Variants in RMDN2 observed in about 807,000 individuals in gnomAD.
RMDN2 encodes the protein regulator of microtubule dynamics protein 2.
Under a neutral mutation model 52.8 loss-of-function variants are expected in RMDN2, and 61 were observed. That is an observed-to-expected ratio of 1.16 (90% CI 0.94 to 1.43). The LOEUF is 1.43. RMDN2 is among the 40% of genes most tolerant of loss of function. The pLI, the probability that RMDN2 is intolerant of heterozygous loss-of-function variation, is 0.00. For synonymous variants in RMDN2, 180 were observed against 153.1 expected, an observed-to-expected ratio of 1.18 and a Z score of -1.30; for missense variants, 592 against 475.3, an observed-to-expected ratio of 1.25 and a Z score of -2.28.
At chr2:38,010,734 A>G (rs1677860692) in intron 10 of RMDN2, among the ~76,000 whole-genome samples, 1 of 152,002 alleles carries the variant, frequency 6.6e-6, no homozygotes, top group Admixed American at 6.6e-5. Context: ...CCGCTTTCTG[A>G]CACTCCCCAG....
chr2:37,968,259 G>A (rs1019942487), intron 2 of RMDN2, among the ~76,000 whole-genome samples: 3 of 151,886 alleles, frequency 2.0e-5, no homozygotes, highest in Admixed American at 6.6e-5. Flanking sequence ...TGGCCAACAT[G>A]GTGAAACCTG....
chr2:37,926,132 C>T (rs1432520911), intron 1 of RMDN2, among the ~76,000 whole-genome samples: 6 of 152,152 alleles, frequency 3.9e-5, no homozygotes, highest in Non-Finnish European at 5.9e-5. Context: ...GTCTCTTTAT[C>T]CTTGCAAAAT....
chr2:37,981,554 A>G (rs992090288), intron 5 of RMDN2, among the ~76,000 whole-genome samples: 26 of 152,244 alleles, frequency 1.7e-4, no homozygotes, highest in Non-Finnish European at 3.1e-4. Context: ...ACTTTTATTG[A>G]AAAATTATTG....
chr2:37,950,868 A>G (rs1396165146), intron 2 of RMDN2, among the ~76,000 whole-genome samples: 1 of 152,132 alleles, frequency 6.6e-6, no homozygotes, highest in Non-Finnish European at 1.5e-5. Context: ...TATTACCTTT[A>G]AAACCAGTTC....
intron 4 of RMDN2, among the ~76,000 whole-genome samples, chr2:37,977,051 G>T (rs1000548852): frequency 7.9e-5 from 12 of 152,180 alleles, no homozygotes; most frequent in African/African-American, 1.4e-4. Flanking sequence ...TGATGACTCT[G>T]AACGAGCATG....
chr2:38,035,384 C>A (rs1680504089), intron 10 of RMDN2, among the ~76,000 whole-genome samples: 1 of 152,126 alleles, frequency 6.6e-6, no homozygotes, highest in Admixed American at 6.5e-5. Flanking sequence ...TTCAATTAAT[C>A]TACAAATTTG....
At chr2:37,937,947 A>C (rs1667448868) in intron 2 of RMDN2, among the ~76,000 whole-genome samples, 1 of 152,164 alleles carries the variant, frequency 6.6e-6, no homozygotes, top group Admixed American at 6.5e-5. Flanking sequence ...GTGGTGAGAG[A>C]GGGCATCCTT....
At chr2:37,937,849 A>G (rs538412861) in intron 2 of RMDN2, among the ~76,000 whole-genome samples, 1 of 152,236 alleles carries the variant, frequency 6.6e-6, no homozygotes, top group South Asian at 2.1e-4. Context: ...AGATAATTTG[A>G]CTTCCTCTCT....
chr2:37,969,832 G>T (rs921513567), intron 2 of RMDN2, among the ~76,000 whole-genome samples: 2 of 151,788 alleles, frequency 1.3e-5, no homozygotes, highest in African/African-American at 2.4e-5. Flanking sequence ...GGTTTGAAAG[G>T]CTCCTCCCTC....
intron 7 of RMDN2, among the ~76,000 whole-genome samples, chr2:37,995,466 T>C (rs868039496): frequency 6.6e-6 from 1 of 152,170 alleles, no homozygotes; most frequent in Admixed American, 6.5e-5. Context: ...TATAAACTAG[T>C]GTGCTTGTAA....
intron 2 of RMDN2, among the ~76,000 whole-genome samples, chr2:37,960,331 T>G (rs1228783875): frequency 1.6e-5 from 2 of 122,242 alleles, no homozygotes; most frequent in South Asian, 4.9e-4. Context: ...TGCTCCTGTA[T>G]TGGGTGTATA....
chr2:38,012,185 G>A (rs535610581), intron 10 of RMDN2, among the ~76,000 whole-genome samples: 5 of 152,150 alleles, frequency 3.3e-5, no homozygotes, highest in Admixed American at 1.3e-4. Context: ...CCCACCCTCT[G>A]CTCCTTCCAC....
chr2:37,960,041 T>C (rs1191414034), intron 2 of RMDN2, among the ~76,000 whole-genome samples: 1 of 152,246 alleles, frequency 6.6e-6, no homozygotes, highest in Non-Finnish European at 1.5e-5. Flanking sequence ...TTACATTTGC[T>C]AAGGAGTGTT....
At chr2:38,056,011 T>TAC (rs922908085) in intron 10 of RMDN2, among the ~76,000 whole-genome samples, 1 of 151,940 alleles carries the variant, frequency 6.6e-6, no homozygotes, top group Non-Finnish European at 1.5e-5. Context: ...CACACACAAA[T>TAC]ACACACACAC....
rs1558582696 is a variant in RMDN2, at chr2:38,042,428, A to ACACAC, written c.1714-24553_1714-24549dup. 2.6e-4 allele frequency among the ~76,000 whole-genome samples: 36 copies of ACACAC among 136,658 alleles called. 1 individual carries two copies. The highest frequency in any genetic ancestry group is 9.7e-4 in the African/African-American group (30 of 31,064). 89.7% of individuals were successfully genotyped at this position (136,658 alleles called of 152,430 possible). A position where few individuals can be genotyped will look rare whatever the true frequency, so the allele number is the denominator to read the frequency against. ...CCACACACACACACACACACACCAC[A>ACACAC]CACACACACACACACCACACACACA... On this transcript the variant is annotated intron_variant, in intron 10 of 10. Transcript: ENST00000234195.
Position 38,017,334 on chromosome 2 carries a change from G to T in RMDN2, c.*95G>T. The T allele has an allele frequency of 1.4e-6, 2 of 1,434,850 alleles. No individual in the cohort carries two copies. The highest frequency in any genetic ancestry group is 1.8e-6 in the Non-Finnish European group (2 of 1,087,898). 88.9% of individuals were successfully genotyped at this position (1,434,850 alleles called of 1,614,324 possible). On this transcript the variant is annotated 3_prime_UTR_variant, in exon 11 of 11. Coordinates refer to ENST00000354545, the MANE Select transcript of RMDN2 (RefSeq NM_001170791.3). The stretch of plus-strand genomic sequence containing the variant: ...TTATTATCCTTCATTTTTGATGTAA[G>T]GGTATTGTGCTTAGATTTGAAGGTA...
In RMDN2 at chr2:37,991,266, T is replaced by C. The variant is rs1306071605; in HGVS notation, c.914T>C (p.Leu305Pro). 1.9e-6 allele frequency: 3 copies of C among 1,589,354 alleles called. No homozygotes were observed. The highest frequency in any genetic ancestry group is 2.6e-6 in the Non-Finnish European group (3 of 1,165,880). Residue 305 changes from leucine to proline, a missense_variant, in exon 7 of 11, where the codon CTA (leucine) becomes CCA (proline). Leu to Pro is a moderately conservative substitution (Grantham distance 98). Transcript: ENST00000354545. ...AAACTTTTACCAGAGGAACCCTTTC[T>C]ATATTACCTCAAAGGGAGATACTGC... ...AIKLLPEEPF[L>P]YYLKGRYCYT...
At chr2:37,989,945 C>T (rs978887450) in intron 6 of RMDN2, among the ~76,000 whole-genome samples, 3 of 151,532 alleles carry the variant, frequency 2.0e-5, no homozygotes, top group Non-Finnish European at 2.9e-5. Context: ...AGATTGAGAC[C>T]ATCCTGGCGA....
Position 38,035,622 on chromosome 2 carries a change from C to T in RMDN2, c.1714-31360C>T, listed in dbSNP as rs72887921. On this transcript the variant is annotated intron_variant, in intron 10 of 10. Coordinates refer to the RMDN2 transcript ENST00000234195. ...TAAAGTCCATAAATACATCCTAATA[C>T]ACATAAAAATGTATATGATAAAAGA... is the stretch of plus-strand genomic sequence containing the variant. Among the ~76,000 whole-genome samples the T allele has an allele frequency of 4.0e-3, 608 of 152,120 alleles. 5 individuals are homozygous for T. Among genetic ancestry groups the T allele is most frequent in the African/African-American group, 0.012 (504 of 41,486 alleles).
Sources: allele counts gnomAD v4.1 joint callset (sites outside exome capture counted in the v4.1 genomes callset), GRCh38; gene constraint gnomAD v4.1.1; transcripts MANE v1.5; gene names NCBI Gene and HGNC (gene_info 2026-07-23, HGNC 2026-07-21).